Variants in ADGRB3 observed in about 807,000 individuals in gnomAD.
ADGRB3 encodes the protein brain-specific angiogenesis inhibitor 3.
ADGRB3 carries 37 observed loss-of-function variants against 193.4 expected under a neutral mutation model. The ratio of observed to expected loss-of-function variants is 0.19; its 90% CI spans 0.15 to 0.25. The LOEUF is 0.25. ADGRB3 is among the 10% of genes least tolerant of loss of function. The pLI, the probability that ADGRB3 is intolerant of heterozygous loss-of-function variation, is 1.00. For synonymous variants in ADGRB3, 690 were observed against 644.2 expected, an observed-to-expected ratio of 1.07 and a Z score of -1.08; for missense variants, 1,637 against 1,852.9, an observed-to-expected ratio of 0.88 and a Z score of 2.14.
chr6:68,841,531 G>T (rs1383942380), intron 3 of ADGRB3, among the ~76,000 whole-genome samples: 1 of 152,112 alleles, frequency 6.6e-6, no homozygotes, highest in African/African-American at 2.4e-5. Flanking sequence ...GAGAAATTAA[G>T]AAGAGAATTT....
intron 20 of ADGRB3, among the ~76,000 whole-genome samples, chr6:69,255,974 T>G (rs1083693): frequency 0.32 from 48,026 of 151,220 alleles, 8,060 homozygotes; most frequent in African/African-American, 0.37. Flanking sequence ...TTTCCCCATT[T>G]CTTGTTTTTG....
chr6:69,367,769 G>C (rs983199052), intron 29 of ADGRB3, among the ~76,000 whole-genome samples: 1 of 151,884 alleles, frequency 6.6e-6, no homozygotes, highest in Non-Finnish European at 1.5e-5. Context: ...TGATAGACTG[G>C]ATTAAGAAAA....
At chr6:68,869,091 T>C (rs1459015752) in intron 3 of ADGRB3, among the ~76,000 whole-genome samples, 2 of 152,140 alleles carry the variant, frequency 1.3e-5, no homozygotes, top group Non-Finnish European at 2.9e-5. Context: ...TTTATCCTTC[T>C]CAGCAGTCAA....
intron 3 of ADGRB3, among the ~76,000 whole-genome samples, chr6:68,798,837 C>T (rs1218222213): frequency 6.6e-6 from 1 of 152,126 alleles, no homozygotes; most frequent in Non-Finnish European, 1.5e-5. Context: ...AGTAAAAATA[C>T]ATTGAGGGGG....
At chr6:69,062,799 T>C in intron 15 of ADGRB3, 135 bp from the exon 16 acceptor site, 1 of 629,026 alleles carries the variant, frequency 1.6e-6, no homozygotes, top group Non-Finnish European at 2.7e-6. Context: ...AATGTGTCTT[T>C]CCATGAATAA....
intron 11 of ADGRB3, among the ~76,000 whole-genome samples, chr6:69,004,647 A>C (rs1203466314): frequency 6.9e-6 from 1 of 144,602 alleles, no homozygotes; most frequent in East Asian, 2.1e-4. Flanking sequence ...CCCACCTATG[A>C]GTGAGAACAT....
At chr6:69,142,047 C>T (rs1398954215) in intron 17 of ADGRB3, among the ~76,000 whole-genome samples, 2 of 152,156 alleles carry the variant, frequency 1.3e-5, no homozygotes, top group Non-Finnish European at 2.9e-5. Context: ...CTAAGATGAG[C>T]AATCATTAAC....
intron 3 of ADGRB3, among the ~76,000 whole-genome samples, chr6:68,781,749 C>A (rs75009401): frequency 0.023 from 3,478 of 152,016 alleles, 67 homozygotes; most frequent in South Asian, 0.07. Context: ...GCTGGAGGGA[C>A]AAAGAGAAAA....
chr6:68,901,825 C>G (rs1206969086), intron 3 of ADGRB3, among the ~76,000 whole-genome samples: 1 of 151,788 alleles, frequency 6.6e-6, no homozygotes, highest in East Asian at 1.9e-4. Flanking sequence ...AGGGAAGACG[C>G]AAAAAGTAAA....
intron 20 of ADGRB3, among the ~76,000 whole-genome samples, chr6:69,262,101 T>G (rs1766943429): frequency 6.6e-6 from 1 of 152,052 alleles, no homozygotes; most frequent in Non-Finnish European, 1.5e-5. Context: ...ATCTTGTCTT[T>G]GAATCAACAC....
intron 3 of ADGRB3, among the ~76,000 whole-genome samples, chr6:68,869,711 G>C (rs553449092): frequency 2.7e-5 from 4 of 147,870 alleles, no homozygotes; most frequent in Admixed American, 7.0e-5. Context: ...CCAGTTTTAT[G>C]TGAGGCCTGC....
At chr6:69,101,530 C>A (rs886663284) in intron 17 of ADGRB3, among the ~76,000 whole-genome samples, 1 of 144,952 alleles carries the variant, frequency 6.9e-6, no homozygotes, top group South Asian at 2.3e-4. Context: ...ACTGACAAAC[C>A]CTGGAAATTG....
At chr6:69,027,117 C>T (rs527488143) in intron 13 of ADGRB3, among the ~76,000 whole-genome samples, 6 of 152,108 alleles carry the variant, frequency 3.9e-5, no homozygotes, top group African/African-American at 1.4e-4. Flanking sequence ...AATACATTGC[C>T]TAAAGCACAA....
At chr6:68,900,464 T>C (rs1766363921) in intron 3 of ADGRB3, among the ~76,000 whole-genome samples, 1 of 152,090 alleles carries the variant, frequency 6.6e-6, no homozygotes, top group Non-Finnish European at 1.5e-5. Context: ...CCTCTCCAAA[T>C]AGGCAGCTAT....
At chr6:69,259,288 A>C (rs1257094280) in intron 20 of ADGRB3, among the ~76,000 whole-genome samples, 1 of 152,196 alleles carries the variant, frequency 6.6e-6, no homozygotes, top group East Asian at 1.9e-4. Context: ...GGAGCTTAAA[A>C]GTCTTCAATA....
intron 3 of ADGRB3, among the ~76,000 whole-genome samples, chr6:68,875,150 C>CTCCCTTCCT (rs1765560140): frequency 4.1e-5 from 1 of 24,448 alleles, no homozygotes; most frequent in Admixed American, 4.8e-4. Flanking sequence ...TCATTTCTTT[C>CTCCCTTCCT]TCCTTCCTTC....
chr6:68,882,998 A>G (rs560410815), intron 3 of ADGRB3, among the ~76,000 whole-genome samples: 1 of 151,924 alleles, frequency 6.6e-6, no homozygotes, highest in South Asian at 2.1e-4. Context: ...GGTTCACGCC[A>G]TTCTCCTGCC....
chr6:68,779,195 C>T (rs73745866), intron 3 of ADGRB3, among the ~76,000 whole-genome samples: 3,970 of 151,072 alleles, frequency 0.026, 77 homozygotes, highest in African/African-American at 0.051. Context: ...AACATTAAGT[C>T]TCCAGACATT....
chr6:69,153,399 G>A (rs1372498814), intron 17 of ADGRB3, among the ~76,000 whole-genome samples: 1 of 152,100 alleles, frequency 6.6e-6, no homozygotes, highest in East Asian at 1.9e-4. Flanking sequence ...GAATAACAAA[G>A]GATAAAAGAG....
Sources: allele counts gnomAD v4.1 joint callset (sites outside exome capture counted in the v4.1 genomes callset), GRCh38; gene constraint gnomAD v4.1.1; transcripts MANE v1.5; gene names NCBI Gene and HGNC (gene_info 2026-07-23, HGNC 2026-07-21).